Variants in EIF3H observed in about 807,000 individuals in gnomAD.
EIF3H encodes eIF-3-gamma.
Under a neutral mutation model 44.2 loss-of-function variants are expected in EIF3H, and 26 were observed. That is an observed-to-expected ratio of 0.59 (90% CI 0.43 to 0.82). The LOEUF is 0.82. Ranked by LOEUF, EIF3H falls within the 40% of genes least tolerant of loss-of-function variation. The pLI is 0.00. For missense variants in EIF3H, 359 were observed against 432.8 expected, an observed-to-expected ratio of 0.83 and a Z score of 1.51; for synonymous variants, 166 against 151.9, an observed-to-expected ratio of 1.09 and a Z score of -0.68.
intron 2 of EIF3H, among the ~76,000 whole-genome samples, chr8:116,674,322 G>A (rs1400180106): frequency 2.4e-5 from 3 of 122,520 alleles, no homozygotes; most frequent in Non-Finnish European, 4.7e-5. Flanking sequence ...GGGTGGAGGT[G>A]GGGGGGGGTG....
At chr8:116,682,360 T>C (rs1228323846) in intron 2 of EIF3H, among the ~76,000 whole-genome samples, 3 of 152,202 alleles carry the variant, frequency 2.0e-5, no homozygotes, top group Non-Finnish European at 4.4e-5. Context: ...ATAGATCCAT[T>C]TTACTTGCTT....
chr8:116,743,769 CATATATAT>C (rs150883678), intron 1 of EIF3H, among the ~76,000 whole-genome samples: 1 of 96,998 alleles, frequency 1.0e-5, no homozygotes, highest in African/African-American at 3.9e-5. Flanking sequence ...AAAATACATA[CATATATAT>C]ATATATATAT....
At chr8:116,678,070 G>A (rs554961930) in intron 2 of EIF3H, among the ~76,000 whole-genome samples, 2 of 151,712 alleles carry the variant, frequency 1.3e-5, no homozygotes, top group Non-Finnish European at 2.9e-5. Context: ...CTGCCATCTC[G>A]GCTCACTGCA....
chr8:116,705,502 C>A (rs546078281), intron 2 of EIF3H, among the ~76,000 whole-genome samples: 2 of 78,818 alleles, frequency 2.5e-5, no homozygotes, highest in Non-Finnish European at 4.6e-5. Context: ...CCCCCCCCCA[C>A]CACCAACACC....
chr8:116,704,335 T>A (rs948717098), intron 2 of EIF3H, among the ~76,000 whole-genome samples: 3 of 152,248 alleles, frequency 2.0e-5, no homozygotes, highest in Non-Finnish European at 4.4e-5. Context: ...GTTTGGCACA[T>A]GACACGTGCT....
intron 2 of EIF3H, among the ~76,000 whole-genome samples, chr8:116,715,241 A>G (rs778757231): frequency 2.0e-5 from 3 of 152,112 alleles, no homozygotes; most frequent in East Asian, 3.8e-4. Context: ...CTTAAACAAA[A>G]TATGTTAACA....
intron 2 of EIF3H, among the ~76,000 whole-genome samples, chr8:116,669,379 T>C (rs1813717685): frequency 6.6e-6 from 1 of 152,206 alleles, no homozygotes; most frequent in African/African-American, 2.4e-5. Flanking sequence ...GGAAATAAGC[T>C]TCCTGCCCCT....
intron 1 of EIF3H, among the ~76,000 whole-genome samples, chr8:116,743,413 T>C (rs1206138705): frequency 6.6e-6 from 1 of 151,896 alleles, no homozygotes; most frequent in African/African-American, 2.4e-5. Flanking sequence ...ACTGCACCAC[T>C]ACACTCCAGC....
At chr8:116,662,049 C>T (rs920812823) in intron 2 of EIF3H, among the ~76,000 whole-genome samples, 12 of 152,118 alleles carry the variant, frequency 7.9e-5, no homozygotes, top group African/African-American at 2.9e-4. Context: ...ATTTTGGACA[C>T]ATTTGTAAGT....
rs571943275 is a variant in EIF3H at position 116,689,418 on chromosome 8, C to T, written c.290-30438G>A. 7.9e-5 allele frequency among the ~76,000 whole-genome samples: 12 copies of T among 152,168 alleles called. No individual in the cohort carries two copies. The South Asian group carries it at 2.1e-3, about 26-fold the overall frequency. Reference sequence around the variant, plus strand: ...TGAACTATAGAGTATAATAATTACACCTCAATAAAACTGTCAAAAAATAAT... The same window carrying T: ...TGAACTATAGAGTATAATAATTACATCTCAATAAAACTGTCAAAAAATAAT... On this transcript the variant is annotated intron_variant, in intron 2 of 7. Transcript: ENST00000521861.
At chr8:116,717,651 G>C (rs1254423991) in intron 2 of EIF3H, among the ~76,000 whole-genome samples, 1 of 152,132 alleles carries the variant, frequency 6.6e-6, no homozygotes, top group Non-Finnish European at 1.5e-5. Flanking sequence ...GTGGGGAAAT[G>C]ACACCCTATT....
rs565167956 is a variant in EIF3H at position 116,724,546 on chromosome 8, AC to A, written c.289+1469del. On this transcript the variant is annotated intron_variant, in intron 2 of 7. Coordinates refer to ENST00000521861, the MANE Select transcript of EIF3H (RefSeq NM_003756.3). Reference sequence around the variant, plus strand: ...AAATGGGAGAAAATACATATTGCAAACCCCATATCTGATAAGAGGTTAATAT... The same window carrying A: ...AAATGGGAGAAAATACATATTGCAAACCCATATCTGATAAGAGGTTAATAT... 4.2e-3 allele frequency among the ~76,000 whole-genome samples: 635 copies of A among 152,208 alleles called. 10 individuals carry two copies. The highest frequency in any genetic ancestry group is 2.1e-3 in the Non-Finnish European group (143 of 67,998).
intron 2 of EIF3H, among the ~76,000 whole-genome samples, chr8:116,660,380 A>G (rs1020365428): frequency 1.3e-5 from 2 of 152,246 alleles, no homozygotes; most frequent in African/African-American, 4.8e-5. Flanking sequence ...AAAGTATAAA[A>G]GAGTGTTCCT....
chr8:116,677,435 GA>G (rs1163451473), intron 2 of EIF3H, among the ~76,000 whole-genome samples: 1 of 152,196 alleles, frequency 6.6e-6, no homozygotes, highest in Non-Finnish European at 1.5e-5. Flanking sequence ...AATGTGGCTG[GA>G]TCCCCATTTT....
At chr8:116,740,820 C>T (rs552195621) in intron 1 of EIF3H, among the ~76,000 whole-genome samples, 10 of 152,176 alleles carry the variant, frequency 6.6e-5, no homozygotes, top group East Asian at 3.9e-4. Context: ...GGCTGGGAAC[C>T]AGAATCCAAA....
chr8:116,703,690 A>G (rs1398810030), intron 2 of EIF3H, among the ~76,000 whole-genome samples: 1 of 152,056 alleles, frequency 6.6e-6, no homozygotes, highest in Non-Finnish European at 1.5e-5. Context: ...GACCTTACCT[A>G]TCATTGGAGA....
chr8:116,657,297 G>A lies in EIF3H; in HGVS notation c.475C>T (p.Gln159Ter). 1 of 1,613,318 alleles carries A rather than the reference G, an allele frequency of 6.2e-7. No homozygotes were observed. Among genetic ancestry groups the A allele is most frequent in the Non-Finnish European group, 8.5e-7 (1 of 1,179,440 alleles). Reference protein sequence around the residue: ...VLIYDPIKTAQGSLSLKAYRL... With the variant: ...VLIYDPIKTA ...TATGCCTTTAGTGAGAGAGATCCTT[G>A]GGCAGTTTTTATGGGATCTCAAACA... Residue 159 changes from glutamine (Q) to a stop codon, truncating the protein, a stop_gained, in exon 4 of 8, where the codon CAA becomes TAA. Coordinates refer to ENST00000521861, the MANE Select transcript of EIF3H (RefSeq NM_003756.3). LOFTEE classifies it high-confidence loss of function.
chr8:116,678,142 G>C (rs1378483912), intron 2 of EIF3H, among the ~76,000 whole-genome samples: 1 of 149,394 alleles, frequency 6.7e-6, no homozygotes, highest in African/African-American at 2.5e-5. Flanking sequence ...GGCGCGCGCC[G>C]CCACGCCTGA....
At chr8:116,671,381 CA>C (rs1235453760) in intron 2 of EIF3H, among the ~76,000 whole-genome samples, 21 of 152,196 alleles carry the variant, frequency 1.4e-4, no homozygotes, top group Non-Finnish European at 8.8e-5. Flanking sequence ...TGTTTCAAAG[CA>C]TCTCAAACCA....
Sources: allele counts gnomAD v4.1 joint callset (sites outside exome capture counted in the v4.1 genomes callset), GRCh38; gene constraint gnomAD v4.1.1; transcripts MANE v1.5; gene names NCBI Gene and HGNC (gene_info 2026-07-23, HGNC 2026-07-21).